WDR44: variants seen among roughly 807,000 people sequenced by gnomAD.
WDR44 encodes WD repeat-containing protein 44.
WDR44 carries 9 observed loss-of-function variants against 65.7 expected under a neutral mutation model. The ratio of observed to expected loss-of-function variants is 0.14; its 90% CI spans 0.08 to 0.24. The LOEUF is 0.24. Among genes scored for constraint, WDR44 ranks in the 10% least tolerant of loss-of-function variants. The probability of loss-of-function intolerance (pLI) is 1.00; values close to 1 mark genes in which losing one functional copy is unlikely to be tolerated. For missense variants in WDR44, 425 were observed against 670.9 expected (o/e 0.63, Z 4.05); for synonymous variants, 220 against 235.2 (o/e 0.94, Z 0.59).
intron 1 of WDR44, 48 bp downstream of exon 1, chrX:118,346,628 G>T: frequency 9.7e-7 from 1 of 1,026,715 alleles, no homozygotes; most frequent in Non-Finnish European, 1.3e-6. Flanking sequence ...CAAGCCCCCC[G>T]CATCTCCTGT....
At chrX:118,351,843 G>T (rs1569354120) in intron 1 of WDR44, among the ~76,000 whole-genome samples, 1 of 110,834 alleles carries the variant, frequency 9.0e-6, no homozygotes, top group East Asian at 2.8e-4. Context: ...TTGGGAGGCT[G>T]AGGCAGGAGA....
intron 2 of WDR44, chrX:118,386,553 A>C (rs1454897485): frequency 6.3e-6 from 2 of 319,343 alleles, no homozygotes; most frequent in East Asian, 2.0e-4. Flanking sequence ...TATCTAAAGC[A>C]TGTAGAATTT....
At chrX:118,402,576 C>T (rs758572601) in intron 8 of WDR44, among the ~76,000 whole-genome samples, 4 of 109,007 alleles carry the variant, frequency 3.7e-5, no homozygotes, top group South Asian at 8.0e-4. Flanking sequence ...GGCAGGACCC[C>T]GTCTCTACAA....
intron 13 of WDR44, among the ~76,000 whole-genome samples, chrX:118,433,465 CAT>C (rs2057228368): frequency 9.0e-6 from 1 of 111,498 alleles, no homozygotes; most frequent in Non-Finnish European, 1.9e-5. Flanking sequence ...TCACTCAAAA[CAT>C]ATCTGTTGAT....
intron 16 of WDR44, 64 bp from the exon 17 acceptor site, chrX:118,442,501 T>G: frequency 9.5e-7 from 1 of 1,056,322 alleles, no homozygotes; most frequent in Non-Finnish European, 1.3e-6. Context: ...ACACCCTTTT[T>G]GGGTTGTAGC....
rs750663436 is a variant in WDR44 at position 118,442,478 on chromosome X, TTGTA to T, written c.2269-83_2269-80del. 2.3e-5 allele frequency: 22 copies of T among 960,259 alleles called. No individual in the cohort carries two copies. In the East Asian group the frequency reaches 6.5e-4, roughly 28 times the overall value. 79.1% of individuals were successfully genotyped at this position (960,259 alleles called of 1,213,427 possible). A position where few individuals can be genotyped will look rare whatever the true frequency, so the allele number is the denominator to read the frequency against. On this transcript the variant is annotated intron_variant, in intron 16 of 19. Coordinates refer to ENST00000254029, the MANE Select transcript of WDR44 (RefSeq NM_019045.5). ...TCTTCTAGTTTTGAGGTATATTAGT[TTGTA>T]TGTGTGTAACACCCTTTTTGGGTTG...
intron 12 of WDR44, among the ~76,000 whole-genome samples, chrX:118,417,884 T>C (rs771271103): frequency 1.8e-5 from 2 of 112,054 alleles, no homozygotes; most frequent in African/African-American, 3.2e-5. Flanking sequence ...TATTCTCTTA[T>C]TCTTTTTTCT....
At chrX:118,400,670 G>GT (rs57214124) in intron 8 of WDR44, among the ~76,000 whole-genome samples, 71 of 70,580 alleles carry the variant, frequency 1.0e-3, no homozygotes, top group South Asian at 1.9e-3. Flanking sequence ...AATCAGTTTT[G>GT]TTTTTTTTTT....
intron 2 of WDR44, among the ~76,000 whole-genome samples, chrX:118,382,954 G>C (rs2056732843): frequency 8.9e-6 from 1 of 111,977 alleles, no homozygotes; most frequent in African/African-American, 3.2e-5. Flanking sequence ...GTTGGCATTG[G>C]TTGTCTGTGG....
At chrX:118,351,668 G>A (rs1425872374) in intron 1 of WDR44, among the ~76,000 whole-genome samples, 1 of 111,533 alleles carries the variant, frequency 9.0e-6, no homozygotes, top group Non-Finnish European at 1.9e-5. Context: ...AGTGACATCC[G>A]GCCGGGCACC....
chrX:118,404,308 T>C (rs1280768404), intron 8 of WDR44, 30 bp from the exon 9 acceptor site: 1 of 1,078,738 alleles, frequency 9.3e-7, no homozygotes, highest in East Asian at 3.0e-5. Flanking sequence ...TACAGTTAAC[T>C]GAGTTGATAC....
At chrX:118,443,000 C>T (rs770596385) in intron 17 of WDR44, among the ~76,000 whole-genome samples, 2 of 110,951 alleles carry the variant, frequency 1.8e-5, no homozygotes, top group East Asian at 2.8e-4. Flanking sequence ...AGGGGGCTTA[C>T]GGCTCATCCC....
chrX:118,434,193 G>A (rs901679569), intron 13 of WDR44, among the ~76,000 whole-genome samples: 2 of 111,949 alleles, frequency 1.8e-5, no homozygotes, highest in Non-Finnish European at 3.8e-5. Context: ...TCTCTTAGGA[G>A]GCAGCAGTAA....
chrX:118,424,339 A>ATATATATATATATATATATG lies in WDR44; in HGVS notation c.1738-8433_1738-8432insATATATATATGTATATATAT, dbSNP rs762485693. ...TGTGTGTGTGTATATATATATATAT[A>ATATATATATATATATATATG]TATATATATGTATATATATATAATG... On this transcript the variant is annotated intron_variant, in intron 12 of 19. Transcript: ENST00000254029. 7.9e-3 allele frequency among the ~76,000 whole-genome samples: 671 copies of ATATATATATATATATATATG among 85,097 alleles called. 9 individuals are homozygous for ATATATATATATATATATATG. Among genetic ancestry groups the ATATATATATATATATATATG allele is most frequent in the African/African-American group, 0.031 (520 of 16,516 alleles). The allele number at this position is 85,097 out of a possible 115,157, so 73.9% of individuals were successfully genotyped here.
rs11423108 is a variant in WDR44 at position 118,407,502 on chromosome X, C to CAA, written c.1533+491_1533+492dup. Reference sequence around the variant, plus strand: ...GGCTACAGAGTAAAAAACTCCGTCTCAAAAAAAAAAAAAAAAGAAAGAAAG... The same window carrying CAA: ...GGCTACAGAGTAAAAAACTCCGTCTCAAAAAAAAAAAAAAAAAAGAAAGAAAG... On this transcript the variant is annotated intron_variant, in intron 10 of 19. Coordinates refer to ENST00000254029, the MANE Select transcript of WDR44 (RefSeq NM_019045.5). Among the ~76,000 whole-genome samples, 448 of 56,920 alleles carry CAA rather than the reference C, an allele frequency of 7.9e-3. 4 individuals carry two copies. The highest frequency in any genetic ancestry group is 0.025 in the African/African-American group (410 of 16,583). 49.4% of individuals were successfully genotyped at this position (56,920 alleles called of 115,157 possible). A position where few individuals can be genotyped will look rare whatever the true frequency, so the allele number is the denominator to read the frequency against.
At chrX:118,361,355 A>G (rs1212566463) in intron 1 of WDR44, among the ~76,000 whole-genome samples, 6 of 112,114 alleles carry the variant, frequency 5.4e-5, no homozygotes, top group Non-Finnish European at 1.9e-5. Flanking sequence ...AAGAGGCAGA[A>G]GGATCTGTCT....
In WDR44 at chrX:118,449,792, CTGTTT is replaced by C. The variant is rs1258497688; in HGVS notation, c.*814_*818del. The C allele has an allele frequency of 1.8e-5, 2 of 111,109 alleles. No individual in the cohort carries two copies. The highest frequency in any genetic ancestry group is 3.8e-5 in the Non-Finnish European group (2 of 52,904). The allele number at this position is 111,109 out of a possible 1,213,427, so 9.2% of individuals were successfully genotyped here. A position where few individuals can be genotyped will look rare whatever the true frequency, so the allele number is the denominator to read the frequency against. On this transcript the variant is annotated 3_prime_UTR_variant, in exon 20 of 20. Coordinates refer to ENST00000254029, the MANE Select transcript of WDR44 (RefSeq NM_019045.5). ...AGCATTGTAGTTTTTAAAAATTAAG[CTGTTT>C]TGTTTTGTGTTGTTGAATTTGAAAG...
chrX:118,405,526 G>A (rs936499415), intron 9 of WDR44, among the ~76,000 whole-genome samples: 17 of 110,547 alleles, frequency 1.5e-4, no homozygotes, highest in Non-Finnish European at 2.1e-4. Context: ...TTTTAGTAGG[G>A]ACAGGGTTTC....
chrX:118,349,169 C>A (rs983125556), intron 1 of WDR44, among the ~76,000 whole-genome samples: 1 of 111,307 alleles, frequency 9.0e-6, no homozygotes, highest in Admixed American at 9.5e-5. Flanking sequence ...TTCACTTGCC[C>A]AGCTTTGCAA....
Sources: gnomAD v4.1 joint callset for allele counts (sites outside exome capture counted in the v4.1 genomes callset) on GRCh38, gnomAD v4.1.1 for gene constraint, MANE v1.5 for transcripts, NCBI Gene and HGNC (gene_info 2026-07-23, HGNC 2026-07-21) for gene names.